MAP4K4: variants seen among roughly 807,000 people sequenced by gnomAD.
The protein encoded by MAP4K4 is HPK/GCK-like kinase HGK.
A neutral mutation model predicts 189.6 loss-of-function variants in MAP4K4; 38 were observed. The observed-to-expected ratio is 0.20, with a 90% confidence interval of 0.15 to 0.26. The LOEUF (loss-of-function observed/expected upper bound fraction) is 0.26. Ranked by LOEUF, MAP4K4 falls within the 10% of genes least tolerant of loss-of-function variation. MAP4K4 has a pLI of 1.00. For synonymous variants in MAP4K4, 610 were observed against 624.3 expected (o/e 0.98, Z 0.34); for missense variants, 1,054 against 1,726.9 (o/e 0.61, Z 6.91).
chr2:101,741,382 A>G (rs1179074414), intron 2 of MAP4K4, among the ~76,000 whole-genome samples: 1 of 151,664 alleles, frequency 6.6e-6, no homozygotes, highest in African/African-American at 2.4e-5. Context: ...GTTAGCCAGG[A>G]TGGTCTCAAT....
intron 5 of MAP4K4, among the ~76,000 whole-genome samples, chr2:101,829,104 G>T (rs961111294): frequency 2.0e-5 from 3 of 152,166 alleles, no homozygotes; most frequent in Non-Finnish European, 4.4e-5. Context: ...CTTGCCCTTT[G>T]CTTTTCCCCT....
intron 2 of MAP4K4, among the ~76,000 whole-genome samples, chr2:101,780,391 G>A (rs2086724414): frequency 1.3e-5 from 2 of 152,182 alleles, no homozygotes; most frequent in South Asian, 4.1e-4. Flanking sequence ...TTATACTGTG[G>A]ATATAATTAT....
At chr2:101,808,179 C>G (rs576081570) in intron 3 of MAP4K4, among the ~76,000 whole-genome samples, 91 of 152,262 alleles carry the variant, frequency 6.0e-4, no homozygotes, top group African/African-American at 2.1e-3. Context: ...CCCATGGCTC[C>G]TTACCTTGCT....
At chr2:101,850,159 C>T (rs2097236708) in intron 12 of MAP4K4, among the ~76,000 whole-genome samples, 1 of 152,010 alleles carries the variant, frequency 6.6e-6, no homozygotes, top group African/African-American at 2.4e-5. Flanking sequence ...GCCTTTCTTC[C>T]ACCAAGAGGA....
chr2:101,871,555 A>G, exon 24 of MAP4K4: 3 of 1,535,986 alleles, frequency 2.0e-6, no homozygotes, highest in Non-Finnish European at 2.6e-6. Context: ...GGTCGCATTC[A>G]CCTCTTGCCA....
chr2:101,848,348 G>T (rs2097175367), intron 12 of MAP4K4, among the ~76,000 whole-genome samples: 1 of 152,170 alleles, frequency 6.6e-6, no homozygotes, highest in African/African-American at 2.4e-5. Flanking sequence ...ATGTGGATGT[G>T]GAACCTGTGG....
intron 2 of MAP4K4, among the ~76,000 whole-genome samples, chr2:101,782,571 G>A (rs897204580): frequency 4.6e-5 from 7 of 152,144 alleles, no homozygotes; most frequent in African/African-American, 1.7e-4. Flanking sequence ...AGGATGAAAC[G>A]TGCACATATA....
At chr2:101,740,882 A>G (rs1424296139) in intron 2 of MAP4K4, among the ~76,000 whole-genome samples, 2 of 152,206 alleles carry the variant, frequency 1.3e-5, no homozygotes, top group Admixed American at 1.3e-4. Context: ...GTAGCTAACA[A>G]TAGTAACAGT....
intron 3 of MAP4K4, among the ~76,000 whole-genome samples, chr2:101,820,411 A>G (rs948827519): frequency 6.6e-6 from 1 of 152,204 alleles, no homozygotes; most frequent in Non-Finnish European, 1.5e-5. Flanking sequence ...CAAAATTAAA[A>G]TAAATATTTT....
At chr2:101,838,507 T>C (rs1011250612) in intron 9 of MAP4K4, among the ~76,000 whole-genome samples, 1 of 152,368 alleles carries the variant, frequency 6.6e-6, no homozygotes, top group East Asian at 1.9e-4. Flanking sequence ...TTCCCTACTT[T>C]TGTTCATATC....
exon 33 of MAP4K4, chr2:101,892,752 T>A: frequency 2.6e-6 from 1 of 380,622 alleles, no homozygotes; most frequent in Non-Finnish European, 5.3e-6. Flanking sequence ...TTTAAACCAA[T>A]TTTACTTTAT....
At chr2:101,805,519 T>C (rs146854590) in intron 3 of MAP4K4, among the ~76,000 whole-genome samples, 2 of 152,310 alleles carry the variant, frequency 1.3e-5, no homozygotes, top group East Asian at 1.9e-4. Flanking sequence ...GTTGATATAA[T>C]ACTGGTTATG....
chr2:101,772,470 T>C (rs549771202), intron 2 of MAP4K4, among the ~76,000 whole-genome samples: 2 of 152,366 alleles, frequency 1.3e-5, no homozygotes, highest in East Asian at 3.9e-4. Context: ...TTTGTTTCCA[T>C]GTGAATTTTG....
At chr2:101,711,645 A>G (rs1488021520) in intron 2 of MAP4K4, among the ~76,000 whole-genome samples, 2 of 152,124 alleles carry the variant, frequency 1.3e-5, no homozygotes, top group African/African-American at 4.8e-5. Context: ...ATGTTGAGTG[A>G]GATATTTCTA....
intron 3 of MAP4K4, among the ~76,000 whole-genome samples, chr2:101,793,072 A>C (rs2093193473): frequency 6.6e-6 from 1 of 152,176 alleles, no homozygotes; most frequent in Admixed American, 6.5e-5. Context: ...GTTGTGTACA[A>C]AAGGTATTTT....
At chr2:101,706,852 T>A (rs2042585604) in intron 2 of MAP4K4, among the ~76,000 whole-genome samples, 1 of 152,234 alleles carries the variant, frequency 6.6e-6, no homozygotes, top group Non-Finnish European at 1.5e-5. Context: ...TAAGTCCTTG[T>A]ATGGCTGAAA....
intron 3 of MAP4K4, among the ~76,000 whole-genome samples, chr2:101,806,673 C>T (rs893592820): frequency 9.2e-5 from 14 of 152,270 alleles, no homozygotes; most frequent in South Asian, 2.1e-4. Flanking sequence ...CCACTGTGTC[C>T]GGCCTCAGCT....
chr2:101,864,899 A>G lies in MAP4K4; in HGVS notation c.2098-31A>G, dbSNP rs776033478. On this transcript the variant is annotated intron_variant, in intron 17 of 32. Transcript: ENST00000324219. ...ATTTTTTTTCCTTTTCATGTTTTCA[A>G]TAATTTAATTGCTATATTTTCTACT... 5.2e-6 allele frequency: 7 copies of G among 1,356,544 alleles called. No individual in the cohort carries two copies. The Admixed American group carries it at 7.1e-5, about 14-fold the overall frequency. 84.0% of individuals were successfully genotyped at this position (1,356,544 alleles called of 1,614,324 possible).
At chr2:101,732,563 G>A (rs1354729069) in intron 2 of MAP4K4, among the ~76,000 whole-genome samples, 2 of 152,030 alleles carry the variant, frequency 1.3e-5, no homozygotes, top group Non-Finnish European at 2.9e-5. Flanking sequence ...ATGGCTTCCA[G>A]TACCTGTTAG....
Sources: allele counts gnomAD v4.1 joint callset (sites outside exome capture counted in the v4.1 genomes callset), GRCh38; gene constraint gnomAD v4.1.1; transcripts MANE v1.5; gene names NCBI Gene and HGNC (gene_info 2026-07-23, HGNC 2026-07-21).